APOM: variants seen among roughly 807,000 people sequenced by gnomAD.
APOM encodes the protein NG20-like protein.
In APOM, 24 loss-of-function variants were observed where a neutral mutation model predicts 23.5. The ratio of observed to expected loss-of-function variants is 1.02; its 90% CI spans 0.74 to 1.44. The LOEUF (loss-of-function observed/expected upper bound fraction) is 1.44. Among genes scored for constraint, APOM ranks in the 40% most tolerant of loss-of-function variants. APOM has a pLI of 0.00. For synonymous variants in APOM, 82 were observed against 84.1 expected, an observed-to-expected ratio of 0.97 and a Z score of 0.14; for missense variants, 200 against 233.2, an observed-to-expected ratio of 0.86 and a Z score of 0.93.
intron 1 of APOM, 112 bp from the exon 2 acceptor site, chr6:31,656,360 G>C: frequency 8.5e-7 from 1 of 1,179,370 alleles, no homozygotes; most frequent in Non-Finnish European, 1.2e-6. Flanking sequence ...GTTGGAAAGA[G>C]GAAGGCAGCC....
chr6:31,657,108 T>C, intron 2 of APOM, 117 bp from the exon 3 acceptor site: 2 of 962,700 alleles, frequency 2.1e-6, no homozygotes, highest in Non-Finnish European at 3.1e-6. Flanking sequence ...ATGGCGCCAC[T>C]GCACTCCAGC....
chr6:31,657,486 G>A lies in APOM; in HGVS notation c.442+8G>A, dbSNP rs757177786. On this transcript the variant is annotated splice_region_variant and intron_variant, in intron 4 of 5. Coordinates refer to ENST00000375916, the MANE Select transcript of APOM (RefSeq NM_019101.3). ...AGCGCTTTCTCCTCTACAGTGAGTAGGGATACAAGGCAGGAAGGGTTGGAG... is the reference window on the plus strand; with the variant it reads ...AGCGCTTTCTCCTCTACAGTGAGTAAGGATACAAGGCAGGAAGGGTTGGAG... The A allele has an allele frequency of 1.9e-6, 3 of 1,612,312 alleles. No homozygotes were observed. Among genetic ancestry groups the A allele is most frequent in the East Asian group, 2.2e-5 (1 of 44,876 alleles).
chr6:31,656,373 C>A, intron 1 of APOM, 99 bp from the exon 2 acceptor site: 1 of 1,298,004 alleles, frequency 7.7e-7, no homozygotes, highest in Non-Finnish European at 1.1e-6. Flanking sequence ...AGGCAGCCAA[C>A]ACCTCTACCC....
At chr6:31,656,732 G>C in intron 2 of APOM, 106 bp downstream of exon 2, 1 of 1,397,486 alleles carries the variant, frequency 7.2e-7, no homozygotes, top group African/African-American at 1.4e-5. Context: ...TACTATGCTT[G>C]GCCCACGGAA....
At chr6:31,656,782 C>A in intron 2 of APOM, 156 bp downstream of exon 2, 1 of 500,998 alleles carries the variant, frequency 2.0e-6, no homozygotes, top group Non-Finnish European at 2.6e-6. Context: ...GAAAGATGTG[C>A]CTAACCAATG....
At chr6:31,656,717 A>G (rs944276627) in intron 2 of APOM, 91 bp downstream of exon 2, 9 of 1,484,556 alleles carry the variant, frequency 6.1e-6, no homozygotes, top group African/African-American at 2.8e-5. Flanking sequence ...CTTAGCTGGT[A>G]TATCTACTAT....
Position 31,656,609 on chromosome 6 carries a change from T to C in APOM, c.252T>C (p.Leu84=). The C allele has an allele frequency of 6.2e-7, 1 of 1,614,068 alleles. No homozygotes were observed. Among genetic ancestry groups the C allele is most frequent in the Non-Finnish European group, 8.5e-7 (1 of 1,179,988 alleles). ...AAGSAPMQLH[L]RATIRMKDGL... ...GCTCTGCCCCGATGCAGCTCCACCTTCGTGCTACCATCCGCATGTGAGTGG... is the reference window on the plus strand; with the variant it reads ...GCTCTGCCCCGATGCAGCTCCACCTCCGTGCTACCATCCGCATGTGAGTGG... The change falls in exon 2 of 6, where the codon CTT becomes CTC. Residue 84 remains leucine, a synonymous_variant. Transcript: ENST00000375916.
chr6:31,655,872 C>G (rs1466116910), upstream of APOM: 4 of 790,718 alleles, frequency 5.1e-6, no homozygotes, highest in Non-Finnish European at 6.3e-6. Context: ...GGTCAAGGGT[C>G]GAACGCAAGG....
Position 31,657,689 on chromosome 6 carries a change from C to A in APOM, c.507C>A (p.Asp169Glu), listed in dbSNP as rs772594563. The change falls in exon 5 of 6, where the codon GAC (aspartate) becomes GAA (glutamate). Residue 169 changes from aspartate to glutamate, a missense_variant. Physicochemically the swap from Asp to Glu is conservative, Grantham distance 45. Transcript: ENST00000375916. Reference sequence around the variant, plus strand: ...TCAAGTCCCTGACTTCCTGCCTGGACTCCAAAGCCTTCTTATTGACTCCTA... The same window carrying A: ...TCAAGTCCCTGACTTCCTGCCTGGAATCCAAAGCCTTCTTATTGACTCCTA... The part of the protein sequence containing the change: ...EEFKSLTSCL[D>E]SKAFLLTPRN... 42 of 1,613,040 alleles carry A rather than the reference C, an allele frequency of 2.6e-5. No individual in the cohort carries two copies. Among genetic ancestry groups the A allele is most frequent in the Non-Finnish European group, 3.4e-5 (40 of 1,179,950 alleles).
chr6:31,654,102 T>A (rs920820635), upstream of APOM, among the ~76,000 whole-genome samples: 13 of 151,752 alleles, frequency 8.6e-5, no homozygotes, highest in Middle Eastern at 6.3e-3. Flanking sequence ...AAAATTAGCC[T>A]GGCGTGGTGG....
chr6:31,654,365 G>A (rs79342353), upstream of APOM, among the ~76,000 whole-genome samples: 3,604 of 152,008 alleles, frequency 0.024, 137 homozygotes, highest in Non-Finnish European at 0.024. Context: ...CTCAGCCCTC[G>A]GCAAATTTTT....
At chr6:31,656,144 G>A (rs1209473787) in intron 1 of APOM, 64 bp downstream of exon 1, 1 of 1,294,626 alleles carries the variant, frequency 7.7e-7, no homozygotes, top group Non-Finnish European at 1.1e-6. Context: ...GGATGGCCTA[G>A]GATGACTGGA....
At chr6:31,657,577 G>A (rs769011080) in intron 4 of APOM, 48 bp from the exon 5 acceptor site, 37 of 1,593,930 alleles carry the variant, frequency 2.3e-5, no homozygotes, top group Non-Finnish European at 2.0e-5. Context: ...GGAAGAGCTA[G>A]GTGCTTCCAG....
Position 31,657,719 on chromosome 6 carries a change from T to C in APOM, c.537T>C (p.Asn179=). ...DSKAFLLTPR[N]QEACELSNN is the part of the protein sequence containing the mutation. ...AAGCCTTCTTATTGACTCCTAGGAA[T>C]CAAGGTAAGGGGTTAAAATCTCATA... Residue 179 remains asparagine, a synonymous_variant, in exon 5 of 6, where the codon AAT becomes AAC. Transcript: ENST00000375916. 1 of 1,611,324 alleles carries C rather than the reference T, an allele frequency of 6.2e-7. No individual in the cohort carries two copies. The highest frequency in any genetic ancestry group is 8.5e-7 in the Non-Finnish European group (1 of 1,178,168).
At position 31,657,381 on chromosome 6, in the gene APOM, C is replaced by T. The variant is rs1424616162; in HGVS notation, c.345C>T (p.Gly115=). Residue 115 remains glycine, a splice_region_variant and synonymous_variant, in exon 4 of 6, where the codon GGC becomes GGT. Transcript: ENST00000375916. ...TEGSTDLRTE[G]RPDMKTELFS... is the part of the protein sequence containing the mutation. The stretch of plus-strand genomic sequence containing the variant: ...TACTTCTCCCACCTGCCTTGACAGG[C>T]CGCCCTGACATGAAGACTGAGCTCT... 3.1e-6 allele frequency: 5 copies of T among 1,612,972 alleles called. No individual in the cohort carries two copies. In the African/African-American group the frequency reaches 6.7e-5, roughly 22 times the overall value.
chr6:31,654,231 C>G (rs1005862242), upstream of APOM, among the ~76,000 whole-genome samples: 1 of 135,390 alleles, frequency 7.4e-6, no homozygotes, highest in African/African-American at 2.9e-5. Flanking sequence ...GGCAACAGAA[C>G]GAGACTCCCA....
Position 31,657,711 on chromosome 6 carries a change from C to T in APOM, c.529C>T (p.Pro177Ser). 1.2e-6 allele frequency: 2 copies of T among 1,612,142 alleles called. No homozygotes were observed. Among genetic ancestry groups the T allele is most frequent in the Non-Finnish European group, 1.7e-6 (2 of 1,178,978 alleles). Residue 177 changes from proline to serine, a missense_variant, in exon 5 of 6, where the codon CCT (proline) becomes TCT (serine). By Grantham distance (74) the Pro-to-Ser change is moderately conservative. Coordinates refer to ENST00000375916, the MANE Select transcript of APOM (RefSeq NM_019101.3). Reference sequence around the variant, plus strand: ...GGACTCCAAAGCCTTCTTATTGACTCCTAGGAATCAAGGTAAGGGGTTAAA... The same window carrying T: ...GGACTCCAAAGCCTTCTTATTGACTTCTAGGAATCAAGGTAAGGGGTTAAA... ...CLDSKAFLLT[P>S]RNQEACELSN...
rs559026049 is a variant in APOM at position 31,656,603 on chromosome 6, C to T, written c.246C>T (p.Leu82=). 3.3e-5 allele frequency: 53 copies of T among 1,614,064 alleles called. No individual in the cohort carries two copies. In the South Asian group the frequency reaches 4.9e-4, roughly 15 times the overall value. The part of the protein sequence containing the change: ...NMAAGSAPMQ[L]HLRATIRMKD... ...CTGCTGGCTCTGCCCCGATGCAGCTCCACCTTCGTGCTACCATCCGCATGT... is the reference window on the plus strand; with the variant it reads ...CTGCTGGCTCTGCCCCGATGCAGCTTCACCTTCGTGCTACCATCCGCATGT... Residue 82 remains leucine, a synonymous_variant, in exon 2 of 6, where the codon CTC becomes CTT. Transcript: ENST00000375916.
At chr6:31,657,949 C>T in intron 5 of APOM, 115 bp from the exon 6 acceptor site, 1 of 1,155,050 alleles carries the variant, frequency 8.7e-7, no homozygotes, top group Non-Finnish European at 1.3e-6. Flanking sequence ...GCCTTAGAGA[C>T]TCCCCTTTGA....
Sources: gnomAD v4.1 joint callset for allele counts (sites outside exome capture counted in the v4.1 genomes callset) on GRCh38, gnomAD v4.1.1 for gene constraint, MANE v1.5 for transcripts, NCBI Gene and HGNC (gene_info 2026-07-23, HGNC 2026-07-21) for gene names.